The following DTNBP1 variants were observed in gnomAD, a reference collection of about 807,000 sequenced individuals.
DTNBP1 encodes the protein dysbindin.
In DTNBP1, 35 loss-of-function variants were observed where a neutral mutation model predicts 42.8. That is an observed-to-expected ratio of 0.82 (90% CI 0.63 to 1.09). The LOEUF is 1.09. DTNBP1 is among the 50% of genes least tolerant of loss of function. The pLI is 0.00. For missense variants in DTNBP1, 457 were observed against 424.2 expected, an observed-to-expected ratio of 1.08 and a Z score of -0.68; for synonymous variants, 171 against 162.2, an observed-to-expected ratio of 1.05 and a Z score of -0.41.
rs1319492434 is a variant in DTNBP1 at position 15,523,060 on chromosome 6, T to G, written c.971A>C (p.Glu324Ala). Residue 324 changes from glutamate to alanine, a missense_variant, in exon 10 of 10, where the codon GAG (glutamate) becomes GCG (alanine). Glu to Ala is a moderately radical substitution (Grantham distance 107, BLOSUM62 -1). Transcript: ENST00000344537. ...GESPVVQSDE[E>A]EVQVDTALAT... ...CAGGGCAGTGTCCACCTGAACTTCC[T>G]CCTCATCGGACTGAACAACGGGGGA... The G allele has an allele frequency of 6.2e-7, 1 of 1,614,148 alleles. No homozygotes were observed. Among genetic ancestry groups the G allele is most frequent in the Non-Finnish European group, 8.5e-7 (1 of 1,180,018 alleles).
chr6:15,590,750 T>C (rs1415635621), intron 7 of DTNBP1, among the ~76,000 whole-genome samples: 1 of 152,200 alleles, frequency 6.6e-6, no homozygotes, highest in Non-Finnish European at 1.5e-5. Flanking sequence ...TTGTAGAGAT[T>C]GGCCATATGC....
At chr6:15,644,843 A>T (rs551763566) in intron 3 of DTNBP1, among the ~76,000 whole-genome samples, 2 of 152,248 alleles carry the variant, frequency 1.3e-5, no homozygotes, top group African/African-American at 4.8e-5. Flanking sequence ...AAGATCTCAA[A>T]TTAACAACTT....
At chr6:15,618,779 T>C (rs1203239310) in intron 5 of DTNBP1, among the ~76,000 whole-genome samples, 4 of 152,132 alleles carry the variant, frequency 2.6e-5, no homozygotes, top group East Asian at 1.9e-4. Context: ...TGCACTCCCA[T>C]GTTCATTGCA....
chr6:15,640,984 G>A (rs910585177), intron 3 of DTNBP1, among the ~76,000 whole-genome samples: 1 of 152,160 alleles, frequency 6.6e-6, no homozygotes, highest in South Asian at 2.1e-4. Context: ...AAACATCAGG[G>A]AGTCTGTGCT....
intron 1 of DTNBP1, among the ~76,000 whole-genome samples, chr6:15,653,452 T>C (rs1005590541): frequency 2.6e-5 from 4 of 152,236 alleles, no homozygotes; most frequent in African/African-American, 9.6e-5. Context: ...TGCCAGCTAT[T>C]TAATTCTAGC....
At chr6:15,628,626 T>C (rs1354767728) in intron 4 of DTNBP1, among the ~76,000 whole-genome samples, 3 of 152,010 alleles carry the variant, frequency 2.0e-5, no homozygotes, top group African/African-American at 7.2e-5. Context: ...AGGCTGGTTT[T>C]GAACTCCTGG....
In DTNBP1 at chr6:15,637,650, G is replaced by T; in HGVS notation, c.222+94C>A. 2.2e-6 allele frequency: 3 copies of T among 1,366,040 alleles called. No individual in the cohort carries two copies. In the South Asian group the frequency reaches 3.5e-5, roughly 16 times the overall value. 84.6% of individuals were successfully genotyped at this position (1,366,040 alleles called of 1,614,324 possible). ...TTTCAGATATCCTGCAAAACATTTTGACACAAACAATTATAAATTCAATTT... is the reference window on the plus strand; with the variant it reads ...TTTCAGATATCCTGCAAAACATTTTTACACAAACAATTATAAATTCAATTT... On this transcript the variant is annotated intron_variant, in intron 4 of 9. Transcript: ENST00000344537.
At chr6:15,562,827 C>T (rs1040353678) in intron 7 of DTNBP1, among the ~76,000 whole-genome samples, 1 of 152,224 alleles carries the variant, frequency 6.6e-6, no homozygotes, top group African/African-American at 2.4e-5. Context: ...TGGGTCCAAG[C>T]TGCCATCGTT....
intron 4 of DTNBP1, among the ~76,000 whole-genome samples, chr6:15,628,398 CT>C (rs70996561): frequency 1.3e-3 from 97 of 77,078 alleles, no homozygotes; most frequent in East Asian, 4.4e-3. Flanking sequence ...GATTAAGGTT[CT>C]TTTTTTTTTT....
rs754040918 is a variant in DTNBP1 at position 15,523,682 on chromosome 6, A to C, written c.812-463T>G. The C allele has an allele frequency of 3.1e-6, 4 of 1,287,336 alleles. No individual in the cohort carries two copies. In the South Asian group the frequency reaches 3.7e-5, roughly 12 times the overall value. The allele number at this position is 1,287,336 out of a possible 1,614,324, so 79.7% of individuals were successfully genotyped here. A position where few individuals can be genotyped will look rare whatever the true frequency, so the allele number is the denominator to read the frequency against. ...CTAAATAGGCTCTTCAAGGAATCAA[A>C]ATTCTATATGCAGGTGTCACTGTTT... On this transcript the variant is annotated intron_variant, in intron 9 of 9. Coordinates refer to ENST00000344537, the MANE Select transcript of DTNBP1 (RefSeq NM_032122.5).
intron 7 of DTNBP1, among the ~76,000 whole-genome samples, chr6:15,585,236 A>G (rs954691824): frequency 2.0e-5 from 3 of 151,348 alleles, no homozygotes; most frequent in Non-Finnish European, 4.4e-5. Flanking sequence ...TATGGCTCAC[A>G]TATTTAACTC....
chr6:15,584,593 C>T (rs1462096670), intron 7 of DTNBP1, among the ~76,000 whole-genome samples: 2 of 151,154 alleles, frequency 1.3e-5, no homozygotes, highest in African/African-American at 2.4e-5. Flanking sequence ...CATACACAGG[C>T]GTGAGAGAGG....
intron 6 of DTNBP1, among the ~76,000 whole-genome samples, chr6:15,599,183 G>C (rs938364190): frequency 4.6e-5 from 7 of 152,158 alleles, no homozygotes; most frequent in African/African-American, 1.7e-4. Context: ...GCCATGCCTG[G>C]ATAAAGAGAG....
At chr6:15,605,914 C>T (rs1290283929) in intron 6 of DTNBP1, among the ~76,000 whole-genome samples, 5 of 152,150 alleles carry the variant, frequency 3.3e-5, no homozygotes, top group Non-Finnish European at 5.9e-5. Context: ...AGGCAATGTC[C>T]GTTCCAGTCT....
At chr6:15,545,788 G>C (rs954538261) in intron 7 of DTNBP1, among the ~76,000 whole-genome samples, 1 of 152,158 alleles carries the variant, frequency 6.6e-6, no homozygotes. Flanking sequence ...TTAAGGAAAT[G>C]ACCACTATCT....
At chr6:15,559,936 T>C (rs1412306208) in intron 7 of DTNBP1, among the ~76,000 whole-genome samples, 1 of 152,174 alleles carries the variant, frequency 6.6e-6, no homozygotes, top group Non-Finnish European at 1.5e-5. Flanking sequence ...TCCCAAAGCA[T>C]GGATTTTTAT....
At chr6:15,615,226 C>G (rs778020169) in intron 6 of DTNBP1, 41 bp downstream of exon 6, 2 of 1,613,806 alleles carry the variant, frequency 1.2e-6, no homozygotes, top group East Asian at 2.2e-5. Flanking sequence ...TGGAAAACTT[C>G]GAGACTGGAA....
chr6:15,661,673 T>A (rs1445223920), intron 1 of DTNBP1, among the ~76,000 whole-genome samples: 1 of 150,262 alleles, frequency 6.7e-6, no homozygotes, highest in African/African-American at 2.4e-5. Flanking sequence ...GGGGGAGAAA[T>A]TTAAAACAGT....
At chr6:15,655,215 G>C (rs1442605221) in intron 1 of DTNBP1, among the ~76,000 whole-genome samples, 3 of 152,134 alleles carry the variant, frequency 2.0e-5, no homozygotes, top group South Asian at 4.2e-4. Context: ...TCAAGCTCCT[G>C]GCCTTAAGCG....
Sources: allele counts gnomAD v4.1 joint callset (sites outside exome capture counted in the v4.1 genomes callset), GRCh38; gene constraint gnomAD v4.1.1; transcripts MANE v1.5; gene names NCBI Gene and HGNC (gene_info 2026-07-23, HGNC 2026-07-21).